Variants in ELMO1 observed in about 807,000 individuals in gnomAD.
The protein encoded by ELMO1 is engulfment and cell motility 1.
Under a neutral mutation model 98.9 loss-of-function variants are expected in ELMO1, and 26 were observed. The observed-to-expected ratio is 0.26, with a 90% CI of 0.19 to 0.36. The LOEUF (loss-of-function observed/expected upper bound fraction) is 0.36. ELMO1 is among the 10% of genes least tolerant of loss of function. The pLI is 1.00. For synonymous variants in ELMO1, 346 were observed against 346.0 expected (o/e 1.00, Z 0.00); for missense variants, 627 against 935.2 (o/e 0.67, Z 4.30).
chr7:36,962,966 A>C (rs1021517121), intron 16 of ELMO1, among the ~76,000 whole-genome samples: 3 of 152,232 alleles, frequency 2.0e-5, no homozygotes, highest in Non-Finnish European at 4.4e-5. Flanking sequence ...GATGTATTTT[A>C]AAGAATGTTC....
intron 1 of ELMO1, among the ~76,000 whole-genome samples, chr7:37,345,342 C>T (rs534391562): frequency 4.1e-4 from 62 of 152,186 alleles, no homozygotes; most frequent in African/African-American, 1.5e-3. Context: ...GTGCCTCTAC[C>T]AGTGTGGGAG....
intron 21 of ELMO1, among the ~76,000 whole-genome samples, chr7:36,857,910 A>C (rs1214225419): frequency 1.3e-5 from 2 of 152,192 alleles, no homozygotes; most frequent in East Asian, 3.9e-4. Flanking sequence ...GAATGCCAGA[A>C]AGTTATCAAA....
At chr7:37,094,442 T>G (rs1784271939) in intron 15 of ELMO1, among the ~76,000 whole-genome samples, 1 of 152,200 alleles carries the variant, frequency 6.6e-6, no homozygotes, top group Non-Finnish European at 1.5e-5. Flanking sequence ...GGAGGGCTAC[T>G]CTACACCTGC....
chr7:37,316,009 T>A, intron 2 of ELMO1, 49 bp from the exon 3 acceptor site: 1 of 1,374,302 alleles, frequency 7.3e-7, no homozygotes, highest in Non-Finnish European at 1.0e-6. Context: ...TTTCATCATT[T>A]TAAATTAAAA....
chr7:37,405,084 G>C (rs1055083672), intron 1 of ELMO1, among the ~76,000 whole-genome samples: 4 of 152,148 alleles, frequency 2.6e-5, no homozygotes, highest in Admixed American at 2.6e-4. Flanking sequence ...GTGGGCCACC[G>C]GCACTGGGGG....
chr7:37,193,844 A>C (rs569858103), intron 13 of ELMO1, among the ~76,000 whole-genome samples: 1 of 152,300 alleles, frequency 6.6e-6, no homozygotes, highest in East Asian at 1.9e-4. Context: ...TTGTGCACAC[A>C]CATGTAATAC....
intron 4 of ELMO1, among the ~76,000 whole-genome samples, chr7:37,276,597 C>T (rs371784178): frequency 6.6e-6 from 1 of 152,122 alleles, no homozygotes; most frequent in African/African-American, 2.4e-5. Flanking sequence ...GGTGACGGAG[C>T]GAGACTCCGT....
At chr7:37,128,625 G>T (rs1427166765) in intron 14 of ELMO1, among the ~76,000 whole-genome samples, 1 of 152,024 alleles carries the variant, frequency 6.6e-6, no homozygotes, top group East Asian at 1.9e-4. Flanking sequence ...GAGAAACCAG[G>T]CTGTCCATCA....
intron 15 of ELMO1, among the ~76,000 whole-genome samples, chr7:37,080,066 C>A (rs1257999738): frequency 6.6e-6 from 1 of 152,170 alleles, no homozygotes; most frequent in Non-Finnish European, 1.5e-5. Context: ...TCAGTGATGA[C>A]TCCCTGCTTC....
At chr7:37,210,793 A>G (rs1312113245) in intron 13 of ELMO1, among the ~76,000 whole-genome samples, 1 of 152,146 alleles carries the variant, frequency 6.6e-6, no homozygotes, top group African/African-American at 2.4e-5. Flanking sequence ...CAGAGACTTC[A>G]TGGGGAGAAA....
intron 19 of ELMO1, among the ~76,000 whole-genome samples, chr7:36,873,534 A>C (rs1372744064): frequency 1.3e-5 from 2 of 152,120 alleles, no homozygotes; most frequent in Non-Finnish European, 2.9e-5. Flanking sequence ...TTAATTCAAC[A>C]CTCCTATTTT....
intron 14 of ELMO1, among the ~76,000 whole-genome samples, chr7:37,121,902 A>T (rs570554298): frequency 1.2e-4 from 19 of 152,368 alleles, no homozygotes; most frequent in Admixed American, 1.2e-3. Flanking sequence ...CGGGTTACCC[A>T]CAAAGGGAAG....
At chr7:37,024,173 A>T (rs915074583) in intron 15 of ELMO1, among the ~76,000 whole-genome samples, 2 of 152,088 alleles carry the variant, frequency 1.3e-5, no homozygotes, top group African/African-American at 4.8e-5. Context: ...CAAGACGGTC[A>T]CGAGCATGGC....
intron 13 of ELMO1, among the ~76,000 whole-genome samples, chr7:37,188,836 C>T (rs1791404593): frequency 6.6e-6 from 1 of 152,146 alleles, no homozygotes; most frequent in Non-Finnish European, 1.5e-5. Context: ...CCACAGTCAA[C>T]CCCATGACTG....
chr7:37,178,748 T>G (rs1335295039), intron 13 of ELMO1, among the ~76,000 whole-genome samples: 1 of 152,212 alleles, frequency 6.6e-6, no homozygotes, highest in South Asian at 2.1e-4. Context: ...CCTCTGTAAG[T>G]TTCTCTCCAA....
chr7:37,221,419 A>G (rs921697794), intron 10 of ELMO1, among the ~76,000 whole-genome samples: 6 of 152,218 alleles, frequency 3.9e-5, no homozygotes, highest in Admixed American at 6.5e-5. Context: ...CAAGCTCCCC[A>G]GCATAGTTTC....
chr7:37,093,899 T>A (rs1249866901), intron 15 of ELMO1, among the ~76,000 whole-genome samples: 3 of 152,224 alleles, frequency 2.0e-5, no homozygotes, highest in African/African-American at 7.2e-5. Context: ...CTTATGACTA[T>A]CACAACATTG....
At chr7:37,180,609 C>A (rs986783792) in intron 13 of ELMO1, among the ~76,000 whole-genome samples, 4 of 152,082 alleles carry the variant, frequency 2.6e-5, no homozygotes, top group African/African-American at 9.7e-5. Flanking sequence ...TGAGTCATGA[C>A]TGTGGATTAG....
intron 15 of ELMO1, among the ~76,000 whole-genome samples, chr7:37,092,302 C>G (rs957332480): frequency 1.3e-5 from 2 of 151,480 alleles, no homozygotes; most frequent in East Asian, 1.9e-4. Flanking sequence ...ACCCTCCTCA[C>G]CTAACTTTCA....
Sources: gnomAD v4.1 joint callset for allele counts (sites outside exome capture counted in the v4.1 genomes callset) on GRCh38, gnomAD v4.1.1 for gene constraint, MANE v1.5 for transcripts, NCBI Gene and HGNC (gene_info 2026-07-23, HGNC 2026-07-21) for gene names.